Variants in WDFY4 observed in about 807,000 individuals in gnomAD.
The protein encoded by WDFY4 is WDFY family member 4.
Under a neutral mutation model 351.9 loss-of-function variants are expected in WDFY4, and 169 were observed. The ratio of observed to expected loss-of-function variants is 0.48; its 90% CI spans 0.42 to 0.55. The LOEUF (loss-of-function observed/expected upper bound fraction) is 0.55. WDFY4 is among the 20% of genes least tolerant of loss of function. The pLI, the probability that WDFY4 is intolerant of heterozygous loss-of-function variation, is 0.00. For synonymous variants in WDFY4, 1,622 were observed against 1,574.6 expected (o/e 1.03, Z -0.71); for missense variants, 3,803 against 3,935.6 (o/e 0.97, Z 0.90).
At chr10:48,903,702 T>C (rs540475076) in intron 47 of WDFY4, among the ~76,000 whole-genome samples, 1 of 152,320 alleles carries the variant, frequency 6.6e-6, no homozygotes, top group Admixed American at 6.5e-5. Context: ...AGCTCAGATT[T>C]AGACATGTGA....
At chr10:48,916,071 A>G (rs777727979) in intron 47 of WDFY4, among the ~76,000 whole-genome samples, 9 of 152,256 alleles carry the variant, frequency 5.9e-5, no homozygotes, top group Non-Finnish European at 1.3e-4. Context: ...AGCCTTGGGC[A>G]GAATGCACAG....
intron 25 of WDFY4, among the ~76,000 whole-genome samples, chr10:48,803,883 C>G (rs2067165876): frequency 6.6e-6 from 1 of 152,218 alleles, no homozygotes. Flanking sequence ...AGCTCTGTCA[C>G]CACTCTTGCC....
intron 39 of WDFY4, among the ~76,000 whole-genome samples, chr10:48,857,996 A>G (rs1486168179): frequency 6.6e-6 from 1 of 151,874 alleles, no homozygotes; most frequent in East Asian, 1.9e-4. Flanking sequence ...GTTTCACCAC[A>G]TTGGCCAGGT....
intron 47 of WDFY4, among the ~76,000 whole-genome samples, chr10:48,903,588 C>T (rs1481179111): frequency 6.6e-6 from 1 of 152,152 alleles, no homozygotes; most frequent in African/African-American, 2.4e-5. Flanking sequence ...ATGTATGTGA[C>T]AGAGGACTTA....
chr10:48,778,975 T>A, intron 18 of WDFY4, 143 bp downstream of exon 18: 1 of 891,954 alleles, frequency 1.1e-6, no homozygotes, highest in Non-Finnish European at 1.7e-6. Context: ...TTGGGTTCCA[T>A]ACCTGGTGAA....
intron 56 of WDFY4, among the ~76,000 whole-genome samples, chr10:48,969,927 G>T (rs1842264749): frequency 6.6e-6 from 1 of 152,138 alleles, no homozygotes; most frequent in Non-Finnish European, 1.5e-5. Flanking sequence ...TCCCTCACTT[G>T]TTTCTTCCCA....
At chr10:48,752,825 T>C (rs1035725443) in intron 12 of WDFY4, among the ~76,000 whole-genome samples, 1 of 152,244 alleles carries the variant, frequency 6.6e-6, no homozygotes, top group African/African-American at 2.4e-5. Flanking sequence ...TTGTAAATAG[T>C]GCTGCTATGA....
chr10:48,840,168 A>G (rs1459904066), intron 39 of WDFY4, among the ~76,000 whole-genome samples: 1 of 152,218 alleles, frequency 6.6e-6, no homozygotes, highest in Non-Finnish European at 1.5e-5. Flanking sequence ...CTTCAACTGA[A>G]AGTAAAGTCT....
rs540410704 is a variant in WDFY4 at position 48,882,723 on chromosome 10, G to C, written c.7167+5524G>C. ...GGGGCCAGGCTCTTTCAAATAACCA[G>C]ATCTCAGCTGAACTCTCGGAGAACT... On this transcript the variant is annotated intron_variant, in intron 43 of 61. Transcript: ENST00000325239. Among the ~76,000 whole-genome samples, 9 of 152,228 alleles carry C rather than the reference G, an allele frequency of 5.9e-5. No homozygotes were observed. In the South Asian group the frequency reaches 1.7e-3, roughly 28 times the overall value.
At chr10:48,970,391 G>C (rs1396628618) in intron 57 of WDFY4, 102 bp downstream of exon 57, 2 of 1,443,320 alleles carry the variant, frequency 1.4e-6, no homozygotes, top group African/African-American at 2.8e-5. Flanking sequence ...TGTGGTGCCG[G>C]AACACACCCT....
intron 2 of WDFY4, among the ~76,000 whole-genome samples, chr10:48,712,279 A>T (rs919846063): frequency 6.6e-6 from 1 of 152,242 alleles, no homozygotes; most frequent in Non-Finnish European, 1.5e-5. Flanking sequence ...GTAAGACAAG[A>T]CAATGATTAT....
chr10:48,840,997 G>A (rs960267038), intron 39 of WDFY4, among the ~76,000 whole-genome samples: 4 of 152,290 alleles, frequency 2.6e-5, no homozygotes, highest in Middle Eastern at 3.4e-3. Context: ...ACAGAGCACC[G>A]TGAAGTTGAC....
rs1417155859 is a variant in WDFY4, at chr10:48,946,096, T to C, written c.7806T>C (p.Ala2602=). 5.8e-6 allele frequency: 9 copies of C among 1,549,394 alleles called. No individual in the cohort carries two copies. Among genetic ancestry groups the C allele is most frequent in the Non-Finnish European group, 7.9e-6 (9 of 1,146,450 alleles). ...IFRDLSKPMG[A]QTKERKLKFI... is the part of the protein sequence containing the mutation. ...GGGATCTTTCAAAGCCCATGGGGGC[T>C]CAGACCAAGGAAAGGAAGCTGAAAT... Residue 2602 remains alanine, a synonymous_variant, in exon 50 of 62, where the codon GCT becomes GCC. Coordinates refer to ENST00000325239, the MANE Select transcript of WDFY4 (RefSeq NM_001394531.1).
intron 47 of WDFY4, among the ~76,000 whole-genome samples, chr10:48,911,143 G>T (rs1026708142): frequency 1.3e-5 from 2 of 152,192 alleles, no homozygotes; most frequent in South Asian, 4.1e-4. Flanking sequence ...TGGCAGGCTA[G>T]CGGTGGCTCC....
intron 40 of WDFY4, 88 bp downstream of exon 40, chr10:48,867,430 G>T: frequency 2.5e-6 from 2 of 808,832 alleles, no homozygotes; most frequent in Non-Finnish European, 3.5e-6. Flanking sequence ...TTTGGTTTAC[G>T]TTCTGGATTG....
At chr10:48,751,341 T>C (rs932052024) in intron 12 of WDFY4, among the ~76,000 whole-genome samples, 2 of 152,232 alleles carry the variant, frequency 1.3e-5, no homozygotes, top group South Asian at 4.1e-4. Context: ...TAAGGTTTGT[T>C]CCTGCCTTCT....
rs572106120 is a variant in WDFY4 at position 48,866,945 on chromosome 10, T to C, written c.6664-320T>C. Among the ~76,000 whole-genome samples, 5 of 152,122 alleles carry C rather than the reference T, an allele frequency of 3.3e-5. No individual in the cohort carries two copies. In the East Asian group the frequency reaches 7.7e-4, roughly 24 times the overall value. On this transcript the variant is annotated intron_variant, in intron 39 of 61. Transcript: ENST00000325239. ...CAGCACTTTGGGAGGCTGAGGCAGA[T>C]GGATCACCTGAGGTCAGAAGTTCAA...
chr10:48,888,552 C>G (rs1008123814), intron 43 of WDFY4, among the ~76,000 whole-genome samples: 1 of 152,016 alleles, frequency 6.6e-6, no homozygotes, highest in African/African-American at 2.4e-5. Flanking sequence ...CTTTTGGAAA[C>G]AAACTCTCCC....
At chr10:48,980,860 G>A (rs1374705906) in intron 60 of WDFY4, among the ~76,000 whole-genome samples, 1 of 152,190 alleles carries the variant, frequency 6.6e-6, no homozygotes, top group African/African-American at 2.4e-5. Context: ...TCATTAAAAT[G>A]AGTGAAGTAA....
Sources: gnomAD v4.1 joint callset for allele counts (sites outside exome capture counted in the v4.1 genomes callset) on GRCh38, gnomAD v4.1.1 for gene constraint, MANE v1.5 for transcripts, NCBI Gene and HGNC (gene_info 2026-07-23, HGNC 2026-07-21) for gene names.